LUZP2: variants seen among roughly 807,000 people sequenced by gnomAD.
LUZP2 encodes the protein leucine zipper protein 2.
Under a neutral mutation model 51.6 loss-of-function variants are expected in LUZP2, and 52 were observed. The observed-to-expected ratio is 1.01, with a 90% CI of 0.81 to 1.27. LUZP2 has a LOEUF of 1.27. Ranked by LOEUF, LUZP2 falls within the 50% of genes most tolerant of loss-of-function variation. The pLI is 0.00. For synonymous variants in LUZP2, 154 were observed against 137.3 expected, an observed-to-expected ratio of 1.12 and a Z score of -0.85; for missense variants, 436 against 395.4, an observed-to-expected ratio of 1.10 and a Z score of -0.87.
At position 24,602,076 on chromosome 11, in the gene LUZP2, A is replaced by ATATATGTGTATATATGTATATATGTG. The variant is rs1305265642; in HGVS notation, c.62+104797_62+104822dup. ...TGTATATATGTGTATATATATGCGT[A>ATATATGTGTATATATGTATATATGTG]TATATGTGTATATATGTATATATGT... On this transcript the variant is annotated intron_variant, in intron 1 of 11. Coordinates refer to ENST00000336930, the MANE Select transcript of LUZP2 (RefSeq NM_001009909.4). 6.4e-5 allele frequency among the ~76,000 whole-genome samples: 8 copies of ATATATGTGTATATATGTATATATGTG among 125,214 alleles called. No homozygotes were observed. In the South Asian group the frequency reaches 1.4e-3, roughly 22 times the overall value. 82.1% of individuals were successfully genotyped at this position (125,214 alleles called of 152,430 possible).
intron 1 of LUZP2, among the ~76,000 whole-genome samples, chr11:24,605,928 A>G (rs1018254983): frequency 2.6e-5 from 4 of 151,678 alleles, no homozygotes; most frequent in Non-Finnish European, 5.9e-5. Context: ...AGTGTTTTAG[A>G]TTACATATTA....
At position 25,081,397 on chromosome 11, in the gene LUZP2, ATACT is replaced by A. The variant is rs1859456288; in HGVS notation, c.*2740_*2743del. On this transcript the variant is annotated 3_prime_UTR_variant, in exon 12 of 12. Coordinates refer to ENST00000336930, the MANE Select transcript of LUZP2 (RefSeq NM_001009909.4). The stretch of plus-strand genomic sequence containing the variant: ...TACATCCAGCAAAGTTTACTGTGTT[ATACT>A]CATTGCATCATTTGTTTAAAAAAAA... 6 of 151,658 alleles carry A rather than the reference ATACT, an allele frequency of 4.0e-5. No individual in the cohort carries two copies. The highest frequency in any genetic ancestry group is 7.4e-5 in the Non-Finnish European group (5 of 67,928). 9.4% of individuals were successfully genotyped at this position (151,658 alleles called of 1,614,324 possible).
chr11:25,048,670 A>T (rs939709557), intron 9 of LUZP2, among the ~76,000 whole-genome samples: 2 of 152,070 alleles, frequency 1.3e-5, no homozygotes, highest in African/African-American at 4.8e-5. Context: ...ATTAGAGGGG[A>T]GGTCAGACGT....
In LUZP2 at chr11:24,656,590, A is replaced by G. The variant is rs140707007; in HGVS notation, c.63-72579A>G. ...CATTCCTTCCAGGAGGCTCTGGGAA[A>G]GAATCTTCTTCCGAGCTCCTTCAGG... On this transcript the variant is annotated intron_variant, in intron 1 of 11. Coordinates refer to ENST00000336930, the MANE Select transcript of LUZP2 (RefSeq NM_001009909.4). Among the ~76,000 whole-genome samples, 730 of 152,330 alleles carry G rather than the reference A, an allele frequency of 4.8e-3. 4 individuals are homozygous for G. Among genetic ancestry groups the G allele is most frequent in the Middle Eastern group, 0.01 (3 of 294 alleles).
At chr11:25,023,844 C>T (rs1301129409) in intron 9 of LUZP2, among the ~76,000 whole-genome samples, 2 of 152,134 alleles carry the variant, frequency 1.3e-5, no homozygotes, top group Non-Finnish European at 2.9e-5. Flanking sequence ...TCTTTGTTCT[C>T]ATTGGTTACA....
chr11:24,762,940 C>G (rs1590472563), intron 4 of LUZP2: 1 of 947,462 alleles, frequency 1.1e-6, no homozygotes, highest in East Asian at 1.2e-4. Flanking sequence ...TTTTAAAGAA[C>G]CACATTTTTA....
At chr11:24,959,308 T>G (rs904683622) in intron 7 of LUZP2, among the ~76,000 whole-genome samples, 2 of 152,130 alleles carry the variant, frequency 1.3e-5, no homozygotes, top group East Asian at 3.9e-4. Flanking sequence ...ATTGGTAGCT[T>G]GATGGGGATG....
At chr11:24,941,985 C>T (rs12286713) in intron 7 of LUZP2, among the ~76,000 whole-genome samples, 11,966 of 151,940 alleles carry the variant, frequency 0.079, 1,539 homozygotes, top group African/African-American at 0.27. Flanking sequence ...TAGAACATCA[C>T]GAAATAAAAA....
intron 5 of LUZP2, among the ~76,000 whole-genome samples, chr11:24,855,703 C>G (rs1299293508): frequency 6.6e-6 from 1 of 152,126 alleles, no homozygotes; most frequent in African/African-American, 2.4e-5. Flanking sequence ...CATCGTATTA[C>G]CTGATCTCAA....
At chr11:24,774,387 C>T (rs1310232275) in intron 5 of LUZP2, among the ~76,000 whole-genome samples, 6 of 86,638 alleles carry the variant, frequency 6.9e-5, no homozygotes, top group South Asian at 3.6e-4. Flanking sequence ...TATATACATA[C>T]ACACACACAT....
chr11:24,921,610 T>G (rs1490373592), intron 7 of LUZP2, among the ~76,000 whole-genome samples: 3 of 152,174 alleles, frequency 2.0e-5, no homozygotes, highest in Non-Finnish European at 2.9e-5. Context: ...TTATTTTTTA[T>G]TACAGGAACA....
intron 1 of LUZP2, among the ~76,000 whole-genome samples, chr11:24,709,116 A>G (rs1449862143): frequency 2.0e-5 from 3 of 152,218 alleles, no homozygotes; most frequent in African/African-American, 7.2e-5. Context: ...TATTTGTGAT[A>G]GAGAATAAAA....
chr11:24,865,191 C>CA, intron 5 of LUZP2, among the ~76,000 whole-genome samples: 1 of 152,240 alleles, frequency 6.6e-6, no homozygotes, highest in Non-Finnish European at 1.5e-5. Flanking sequence ...TTTTTGGCTT[C>CA]AAAAATGTGG....
intron 7 of LUZP2, among the ~76,000 whole-genome samples, chr11:24,967,713 T>G (rs1014817563): frequency 2.6e-5 from 4 of 152,108 alleles, no homozygotes; most frequent in Non-Finnish European, 5.9e-5. Context: ...CATTTGCTTT[T>G]AAAAATAACA....
At chr11:25,008,773 G>A (rs2133954610) in intron 9 of LUZP2, among the ~76,000 whole-genome samples, 1 of 152,234 alleles carries the variant, frequency 6.6e-6, no homozygotes, top group African/African-American at 2.4e-5. Flanking sequence ...TTATGAGAGG[G>A]GTCCCAGAAG....
intron 5 of LUZP2, among the ~76,000 whole-genome samples, chr11:24,849,107 C>A (rs895517338): frequency 9.4e-5 from 14 of 148,382 alleles, no homozygotes; most frequent in African/African-American, 3.2e-4. Context: ...AAATTAGTTT[C>A]TGTGACAGGA....
rs535752241 is a variant in LUZP2 at position 24,855,517 on chromosome 11, A to T, written c.397-50474A>T. On this transcript the variant is annotated intron_variant, in intron 5 of 11. Transcript: ENST00000336930. ...TCAACCTCATGGACAGGAAGAATCAAATTGTTAAAATGGCAATAGTGTACA... is the reference window on the plus strand; with the variant it reads ...TCAACCTCATGGACAGGAAGAATCATATTGTTAAAATGGCAATAGTGTACA... Among the ~76,000 whole-genome samples the T allele has an allele frequency of 8.5e-5, 13 of 152,340 alleles. No individual in the cohort carries two copies. The South Asian group carries it at 2.7e-3, about 32-fold the overall frequency.
rs981194688 is a variant in LUZP2, at chr11:24,888,013, GTTTAT to G, written c.397-17970_397-17966del. 8.5e-5 allele frequency among the ~76,000 whole-genome samples: 13 copies of G among 152,234 alleles called. 1 individual carries two copies. The highest frequency in any genetic ancestry group is 3.1e-4 in the African/African-American group (13 of 41,542). On this transcript the variant is annotated intron_variant, in intron 5 of 11. Coordinates refer to ENST00000336930, the MANE Select transcript of LUZP2 (RefSeq NM_001009909.4). ...TGTTTTCAGCTGCCTGGCCACAATGGTTTATTTTATTTAAGTCTACAAAATGTAGT... is the reference window on the plus strand; with the variant it reads ...TGTTTTCAGCTGCCTGGCCACAATGGTTTATTTAAGTCTACAAAATGTAGT...
intron 4 of LUZP2, among the ~76,000 whole-genome samples, chr11:24,745,269 G>A (rs958616103): frequency 5.3e-5 from 8 of 152,024 alleles, no homozygotes; most frequent in African/African-American, 9.7e-5. Context: ...CTTTGTTGAC[G>A]TTCTGTCTTG....
Sources: allele counts gnomAD v4.1 joint callset (sites outside exome capture counted in the v4.1 genomes callset), GRCh38; gene constraint gnomAD v4.1.1; transcripts MANE v1.5; gene names NCBI Gene and HGNC (gene_info 2026-07-23, HGNC 2026-07-21).